OTUD7A: variants seen among roughly 807,000 people sequenced by gnomAD.
OTUD7A encodes OTU deubiquitinase 7A, also known as OTU domain-containing protein 7A.
A neutral mutation model predicts 65.7 loss-of-function variants in OTUD7A; 12 were observed. That is an observed-to-expected ratio of 0.18 (90% confidence interval 0.12 to 0.30). The LOEUF (loss-of-function observed/expected upper bound fraction) is 0.30. Among genes scored for constraint, OTUD7A ranks in the 10% least tolerant of loss-of-function variants. OTUD7A has a pLI of 1.00. For synonymous variants in OTUD7A, 641 were observed against 586.3 expected (o/e 1.09, Z -1.35); for missense variants, 1,148 against 1,304.8 (o/e 0.88, Z 1.85).
intron 1 of OTUD7A, among the ~76,000 whole-genome samples, chr15:31,724,928 T>C (rs1463068983): frequency 3.3e-5 from 5 of 152,116 alleles, no homozygotes; most frequent in Non-Finnish European, 7.3e-5. Flanking sequence ...ATGCCACTTA[T>C]CTGAAATCTC....
chr15:31,781,672 A>G (rs1377093807), intron 1 of OTUD7A, among the ~76,000 whole-genome samples: 1 of 152,126 alleles, frequency 6.6e-6, no homozygotes, highest in Non-Finnish European at 1.5e-5. Context: ...GCTGGACATG[A>G]CATAGTGATT....
intron 1 of OTUD7A, among the ~76,000 whole-genome samples, chr15:31,847,797 G>A (rs1897324323): frequency 6.6e-6 from 1 of 152,210 alleles, no homozygotes; most frequent in Admixed American, 6.5e-5. Flanking sequence ...GCATGGCTGA[G>A]AGGACTCAGG....
chr15:31,848,290 G>C (rs576374603), intron 1 of OTUD7A, among the ~76,000 whole-genome samples: 36 of 152,246 alleles, frequency 2.4e-4, no homozygotes, highest in African/African-American at 8.7e-4. Context: ...CACGCAGGGA[G>C]GGGCAATAGC....
At chr15:31,709,211 G>A (rs1171357112) in intron 1 of OTUD7A, among the ~76,000 whole-genome samples, 3 of 151,838 alleles carry the variant, frequency 2.0e-5, no homozygotes, top group Admixed American at 6.5e-5. Flanking sequence ...TAGGACCACA[G>A]GATGAATCCC....
chr15:31,821,622 T>C (rs565667536), intron 1 of OTUD7A, among the ~76,000 whole-genome samples: 114 of 152,342 alleles, frequency 7.5e-4, no homozygotes, highest in African/African-American at 2.6e-3. Flanking sequence ...TGTTTTCATT[T>C]CTCTTCCCTA....
intron 1 of OTUD7A, among the ~76,000 whole-genome samples, chr15:31,810,167 C>A (rs779882187): frequency 6.6e-6 from 1 of 152,032 alleles, no homozygotes; most frequent in Non-Finnish European, 1.5e-5. Flanking sequence ...CACAGCAGCC[C>A]AGCACACTCA....
chr15:31,674,331 A>G (rs1875665), intron 1 of OTUD7A, among the ~76,000 whole-genome samples: 16,019 of 152,126 alleles, frequency 0.11, 2,275 homozygotes, highest in African/African-American at 0.32. Context: ...TAGCTTACCT[A>G]TGTTATGAGG....
intron 1 of OTUD7A, among the ~76,000 whole-genome samples, chr15:31,800,963 T>A (rs1052717473): frequency 2.7e-5 from 4 of 149,964 alleles, no homozygotes; most frequent in African/African-American, 9.9e-5. Flanking sequence ...GGTCTCTGCA[T>A]GCTGTGCCAG....
chr15:31,765,628 A>G (rs1895076255), intron 1 of OTUD7A: 1 of 619,542 alleles, frequency 1.6e-6, no homozygotes, highest in Non-Finnish European at 2.8e-6. Flanking sequence ...TACCTTACAT[A>G]ATGTGTTTAT....
Position 31,484,802 on chromosome 15 carries a change from C to A in OTUD7A, c.1372-78G>T, listed in dbSNP as rs2041211596. 1.3e-6 allele frequency: 2 copies of A among 1,517,892 alleles called. No homozygotes were observed. The highest frequency in any genetic ancestry group is 1.2e-5 in the South Asian group (1 of 80,078). 94.0% of individuals were successfully genotyped at this position (1,517,892 alleles called of 1,614,324 possible). A position where few individuals can be genotyped will look rare whatever the true frequency, so the allele number is the denominator to read the frequency against. On this transcript the variant is annotated intron_variant, in intron 12 of 12. Transcript: ENST00000307050. This position sits in a 1 kb window ranked among gnomAD's most constrained non-coding sequence, Gnocchi z 4.5. ...GCGCCAGCGAGGAAGACACACCTTG[C>A]CCCTGTGTTGCCGAGGCTAGGGCCC...
At chr15:31,499,684 C>G (rs972208731) in intron 10 of OTUD7A, among the ~76,000 whole-genome samples, 2 of 152,216 alleles carry the variant, frequency 1.3e-5, no homozygotes, top group African/African-American at 4.8e-5. Context: ...TCGTGGGGAC[C>G]TTATGGGTGA....
At chr15:31,831,863 C>G (rs531024661) in intron 1 of OTUD7A, among the ~76,000 whole-genome samples, 1 of 152,224 alleles carries the variant, frequency 6.6e-6, no homozygotes, top group Admixed American at 6.5e-5. Flanking sequence ...GGCGTTCCGC[C>G]GAGCAATGAC....
At chr15:31,734,712 T>C (rs1420256270) in intron 1 of OTUD7A, among the ~76,000 whole-genome samples, 1 of 151,694 alleles carries the variant, frequency 6.6e-6, no homozygotes, top group Admixed American at 6.6e-5. Flanking sequence ...GTATGGAAGA[T>C]TGAAACTGAA....
intron 3 of OTUD7A, among the ~76,000 whole-genome samples, chr15:31,617,061 A>T (rs1475764140): frequency 6.6e-6 from 1 of 152,206 alleles, no homozygotes; most frequent in East Asian, 1.9e-4. Flanking sequence ...GAACTCACAA[A>T]TGCTGAGAGG....
chr15:31,517,732 G>T (rs535867375), intron 8 of OTUD7A, among the ~76,000 whole-genome samples: 1 of 152,262 alleles, frequency 6.6e-6, no homozygotes, highest in Admixed American at 6.5e-5. Context: ...TGAGAAAGAT[G>T]GGGGTGGGCA....
rs191491685 is a variant in OTUD7A at position 31,739,506 on chromosome 15, T to G, written c.-99-82429A>C. 5.4e-3 allele frequency among the ~76,000 whole-genome samples: 826 copies of G among 152,350 alleles called. 4 individuals are homozygous for G. The highest frequency in any genetic ancestry group is 8.2e-3 in the Non-Finnish European group (561 of 68,026). On this transcript the variant is annotated intron_variant, in intron 1 of 12. Transcript: ENST00000307050. ...ATAAATATGCACGTTGCCATTTCTA[T>G]GGTAATGTTAACATAATAGACAAAA...
At chr15:31,630,224 C>A (rs992434942) in intron 3 of OTUD7A, among the ~76,000 whole-genome samples, 11 of 148,042 alleles carry the variant, frequency 7.4e-5, no homozygotes, top group African/African-American at 2.5e-4. Flanking sequence ...CTCTTGTGGG[C>A]ATTTAGTGCT....
chr15:31,547,083 C>T (rs1434532717), intron 5 of OTUD7A, among the ~76,000 whole-genome samples: 1 of 152,234 alleles, frequency 6.6e-6, no homozygotes, highest in African/African-American at 2.4e-5. Context: ...CCAGAGATGA[C>T]TCTAAGAGAA....
intron 3 of OTUD7A, among the ~76,000 whole-genome samples, chr15:31,635,143 C>A (rs115165928): frequency 0.027 from 4,103 of 152,266 alleles, 206 homozygotes; most frequent in African/African-American, 0.092. Flanking sequence ...AAACCCCAAG[C>A]AAAGCTCCAT....
Sources: gnomAD v4.1 joint callset for allele counts (sites outside exome capture counted in the v4.1 genomes callset) on GRCh38, gnomAD v4.1.1 for gene constraint, Gnocchi (gnomAD v3.1) non-coding constraint, MANE v1.5 for transcripts, NCBI Gene and HGNC (gene_info 2026-07-23, HGNC 2026-07-21) for gene names.